Variants in SORCS2 observed in about 807,000 individuals in gnomAD.
SORCS2 encodes sortilin related VPS10 domain containing receptor 2.
In SORCS2, 100 loss-of-function variants were observed where a neutral mutation model predicts 141.6. The ratio of observed to expected loss-of-function variants is 0.71; its 90% confidence interval spans 0.60 to 0.83. The LOEUF (loss-of-function observed/expected upper bound fraction) is 0.83. SORCS2 is among the 40% of genes least tolerant of loss of function. The pLI, the probability that SORCS2 is intolerant of heterozygous loss-of-function variation, is 0.00. For synonymous variants in SORCS2, 789 were observed against 676.9 expected, an observed-to-expected ratio of 1.17 and a Z score of -2.57; for missense variants, 1,646 against 1,560.2, an observed-to-expected ratio of 1.05 and a Z score of -0.93.
At chr4:7,510,249 C>T (rs1176767105) in intron 2 of SORCS2, among the ~76,000 whole-genome samples, 1 of 152,246 alleles carries the variant, frequency 6.6e-6, no homozygotes. Flanking sequence ...GAGGCTCCCT[C>T]CGCTGAGTGT....
chr4:7,504,845 A>C (rs1732181318), intron 2 of SORCS2, among the ~76,000 whole-genome samples: 2 of 152,090 alleles, frequency 1.3e-5, no homozygotes, highest in Admixed American at 1.3e-4. Flanking sequence ...TCTAGCTGGG[A>C]CCCGACTGTT....
At chr4:7,608,797 T>C (rs987939477) in intron 3 of SORCS2, among the ~76,000 whole-genome samples, 1 of 151,892 alleles carries the variant, frequency 6.6e-6, no homozygotes, top group Non-Finnish European at 1.5e-5. Flanking sequence ...TGTCTGTGGC[T>C]CAGCATTTGC....
intron 8 of SORCS2, among the ~76,000 whole-genome samples, chr4:7,668,943 G>T (rs1722650680): frequency 6.6e-6 from 1 of 152,112 alleles, no homozygotes; most frequent in African/African-American, 2.4e-5. Context: ...GGGGTAGCTG[G>T]GCCAGCAGTC....
intron 1 of SORCS2, among the ~76,000 whole-genome samples, chr4:7,206,198 G>A (rs943055755): frequency 4.6e-5 from 7 of 152,294 alleles, no homozygotes; most frequent in East Asian, 3.9e-4. Flanking sequence ...CCCAGTGTCC[G>A]CGTCTTCCCC....
chr4:7,244,272 G>A (rs1283388262), intron 1 of SORCS2, among the ~76,000 whole-genome samples: 2 of 152,198 alleles, frequency 1.3e-5, no homozygotes, highest in Non-Finnish European at 2.9e-5. Context: ...CAAGCTTGGG[G>A]GGTGAGTTTC....
intron 3 of SORCS2, among the ~76,000 whole-genome samples, chr4:7,541,583 C>T (rs969826133): frequency 2.6e-5 from 4 of 152,186 alleles, no homozygotes; most frequent in Admixed American, 6.5e-5. Flanking sequence ...GGGCCTTGCT[C>T]GGGGGCGCCC....
At chr4:7,250,054 C>T (rs966312177) in intron 1 of SORCS2, among the ~76,000 whole-genome samples, 3 of 152,050 alleles carry the variant, frequency 2.0e-5, no homozygotes, top group Non-Finnish European at 4.4e-5. Flanking sequence ...CCAGTCTGGC[C>T]AACATGGTGA....
intron 3 of SORCS2, among the ~76,000 whole-genome samples, chr4:7,593,232 C>A (rs1238092460): frequency 6.6e-6 from 1 of 152,134 alleles, no homozygotes; most frequent in Non-Finnish European, 1.5e-5. Flanking sequence ...GCCAGTGGAG[C>A]CTCGGGAGTC....
chr4:7,506,018 T>G (rs1198588965), intron 2 of SORCS2, among the ~76,000 whole-genome samples: 3 of 152,078 alleles, frequency 2.0e-5, no homozygotes, highest in African/African-American at 7.2e-5. Context: ...CGCATAGCCG[T>G]GCAGTAGCCT....
chr4:7,649,012 G>A (rs185006857), intron 4 of SORCS2, among the ~76,000 whole-genome samples: 23 of 152,204 alleles, frequency 1.5e-4, no homozygotes, highest in Middle Eastern at 3.4e-3. Context: ...TGTGGCGGAC[G>A]AAGGCACTGC....
intron 1 of SORCS2, among the ~76,000 whole-genome samples, chr4:7,197,842 C>T (rs1282274890): frequency 1.3e-5 from 2 of 152,122 alleles, no homozygotes; most frequent in African/African-American, 2.4e-5. Flanking sequence ...GTATCCTGGC[C>T]CTGCCACTCT....
At chr4:7,537,814 C>G (rs555229055) in intron 3 of SORCS2, among the ~76,000 whole-genome samples, 24 of 152,168 alleles carry the variant, frequency 1.6e-4, no homozygotes, top group African/African-American at 5.8e-4. Flanking sequence ...TGAGACCAGC[C>G]TGGCCAACAT....
chr4:7,665,430 C>T (rs1283221119), intron 7 of SORCS2, among the ~76,000 whole-genome samples: 2 of 152,220 alleles, frequency 1.3e-5, no homozygotes, highest in Non-Finnish European at 2.9e-5. Flanking sequence ...GGCTTTTGAT[C>T]CTCAGTCCAT....
chr4:7,346,963 C>A (rs1214975673), intron 1 of SORCS2, among the ~76,000 whole-genome samples: 1 of 152,176 alleles, frequency 6.6e-6, no homozygotes, highest in East Asian at 1.9e-4. Flanking sequence ...GCACTTAACA[C>A]AAAGACTATA....
chr4:7,579,214 C>T (rs951241882), intron 3 of SORCS2, among the ~76,000 whole-genome samples: 3 of 152,034 alleles, frequency 2.0e-5, no homozygotes, highest in Admixed American at 2.0e-4. Flanking sequence ...CGTTATTTTT[C>T]CCATCCATAA....
intron 1 of SORCS2, among the ~76,000 whole-genome samples, chr4:7,360,115 T>G (rs11721840): frequency 0.57 from 86,967 of 152,098 alleles, 25,709 homozygotes; most frequent in Non-Finnish European, 0.64. Context: ...AATTATCTTT[T>G]TAATGTTGCC....
At chr4:7,412,697 G>C (rs139454797) in intron 2 of SORCS2, among the ~76,000 whole-genome samples, 2 of 151,768 alleles carry the variant, frequency 1.3e-5, no homozygotes, top group Non-Finnish European at 2.9e-5. Context: ...TGGGGCGGGG[G>C]CCCTCCCTGC....
chr4:7,718,038 GT>G lies in SORCS2; in HGVS notation c.2280del (p.Cys760TrpfsTer53). On this transcript the variant is annotated frameshift_variant, in exon 18 of 27. Transcript: ENST00000507866. LOFTEE classifies it high-confidence loss of function. ...TACCGGAAAGTGGTGTCCAACGTGTGTGAGGGTGGGGTGGACATGCAGCAGA... is the reference window on the plus strand; with the variant it reads ...TACCGGAAAGTGGTGTCCAACGTGTGGAGGGTGGGGTGGACATGCAGCAGA... ...LGYRKVVSNVCEGGVDMQQSQ... is the reference protein window; with the variant it reads ...LGYRKVVSNVXEGGVDMQQSQ... 1.2e-6 allele frequency: 2 copies of G among 1,608,238 alleles called. No individual in the cohort carries two copies. Among genetic ancestry groups the G allele is most frequent in the Non-Finnish European group, 1.7e-6 (2 of 1,177,284 alleles).
At chr4:7,315,823 C>T (rs1322852927) in intron 1 of SORCS2, among the ~76,000 whole-genome samples, 3 of 152,184 alleles carry the variant, frequency 2.0e-5, no homozygotes, top group Admixed American at 6.5e-5. Flanking sequence ...CATGTCTCTA[C>T]CTCTTTGTCT....
Sources: allele counts gnomAD v4.1 joint callset (sites outside exome capture counted in the v4.1 genomes callset), GRCh38; gene constraint gnomAD v4.1.1; transcripts MANE v1.5; gene names NCBI Gene and HGNC (gene_info 2026-07-23, HGNC 2026-07-21).